The following UBE2T variants were observed in gnomAD, a reference collection of about 807,000 sequenced individuals.
The protein encoded by UBE2T is ubiquitin-conjugating enzyme E2 T.
In UBE2T, 15 loss-of-function variants were observed where a neutral mutation model predicts 23.3. The observed-to-expected ratio is 0.64, with a 90% CI of 0.43 to 0.99. UBE2T has a LOEUF of 0.99. Ranked by LOEUF, UBE2T falls within the 50% of genes least tolerant of loss-of-function variation. UBE2T has a pLI of 0.00. For missense variants in UBE2T, 197 were observed against 234.9 expected (o/e 0.84, Z 1.05); for synonymous variants, 67 against 78.4 (o/e 0.85, Z 0.77).
intron 1 of UBE2T, among the ~76,000 whole-genome samples, chr1:202,336,632 A>G (rs1654891640): frequency 6.6e-6 from 1 of 152,158 alleles, no homozygotes; most frequent in South Asian, 2.1e-4. Context: ...CATGCCTGTC[A>G]TAGTAAGGGA....
chr1:202,340,471 G>C (rs554135552), intron 1 of UBE2T, among the ~76,000 whole-genome samples: 1 of 151,396 alleles, frequency 6.6e-6, no homozygotes, highest in African/African-American at 2.4e-5. Flanking sequence ...CCAAGATCGC[G>C]CCACTGCACT....
At chr1:202,341,792 C>G (rs1486835236) in intron 1 of UBE2T, 103 bp downstream of exon 1, 1 of 152,194 alleles carries the variant, frequency 6.6e-6, no homozygotes, top group African/African-American at 2.4e-5. Flanking sequence ...GAGACGAAAA[C>G]TCCCATATTA....
At chr1:202,338,256 G>T (rs904601898) in intron 1 of UBE2T, among the ~76,000 whole-genome samples, 3 of 151,480 alleles carry the variant, frequency 2.0e-5, no homozygotes, top group African/African-American at 7.3e-5. Context: ...TTTTGCTCTT[G>T]TTGCCCAGGC....
intron 1 of UBE2T, among the ~76,000 whole-genome samples, chr1:202,338,059 T>G (rs1489067841): frequency 6.6e-6 from 1 of 152,184 alleles, no homozygotes; most frequent in Non-Finnish European, 1.5e-5. Context: ...GAACACGCTG[T>G]TTCAGTCTTT....
intron 1 of UBE2T, among the ~76,000 whole-genome samples, chr1:202,336,961 T>C (rs1189855621): frequency 6.6e-6 from 1 of 152,178 alleles, no homozygotes; most frequent in Non-Finnish European, 1.5e-5. Context: ...CTTTTGTTTT[T>C]TAGACGGAGT....
chr1:202,340,828 T>C (rs1654985595), intron 1 of UBE2T, among the ~76,000 whole-genome samples: 1 of 152,208 alleles, frequency 6.6e-6, no homozygotes, highest in Admixed American at 6.5e-5. Context: ...GCAACCAGAC[T>C]CCAGCCTCAC....
At chr1:202,339,242 G>A (rs902069396) in intron 1 of UBE2T, among the ~76,000 whole-genome samples, 4 of 151,476 alleles carry the variant, frequency 2.6e-5, no homozygotes, top group African/African-American at 7.3e-5. Flanking sequence ...ATTTATTCTT[G>A]CATCAATTTT....
Position 202,331,883 on chromosome 1 carries a change from C to T in UBE2T, c.546G>A (p.Lys182=). 1 of 1,614,102 alleles carries T rather than the reference C, an allele frequency of 6.2e-7. No homozygotes were observed. Residue 182 remains lysine (K), a synonymous_variant, in exon 7 of 7, where the codon AAG becomes AAA. Coordinates refer to ENST00000646651, the MANE Select transcript of UBE2T (RefSeq NM_014176.4). Reference sequence around the variant, plus strand: ...TTTCTATGCCTACTAGCTGACTGGCCTTCCTTTTCTGTGTTGAGTTGTGTA... The same window carrying T: ...TTTCTATGCCTACTAGCTGACTGGCTTTCCTTTTCTGTGTTGAGTTGTGTA... ...SRVHNSTQKR[K]ASQLVGIEKK...
intron 3 of UBE2T, among the ~76,000 whole-genome samples, chr1:202,333,808 A>G (rs1034701340): frequency 3.3e-5 from 5 of 152,170 alleles, no homozygotes; most frequent in Non-Finnish European, 5.9e-5. Flanking sequence ...ATACTCCAGC[A>G]TATCTTCTAA....
rs1655018007 is a variant in UBE2T, at chr1:202,341,899, G to C, written c.-69C>G. The C allele has an allele frequency of 6.6e-6, 1 of 152,332 alleles. No homozygotes were observed. Among genetic ancestry groups the C allele is most frequent in the Non-Finnish European group, 1.5e-5 (1 of 68,126 alleles). The allele number at this position is 152,332 out of a possible 1,614,324, so 9.4% of individuals were successfully genotyped here. Reference sequence around the variant, plus strand: ...CGGAATACTCTCCTTGCTTACCTGAGCTGACACCCCTCACAACGCAGCAAC... The same window carrying C: ...CGGAATACTCTCCTTGCTTACCTGACCTGACACCCCTCACAACGCAGCAAC... On this transcript the variant is annotated 5_prime_UTR_variant, in exon 1 of 7. Coordinates refer to ENST00000646651, the MANE Select transcript of UBE2T (RefSeq NM_014176.4).
In UBE2T at chr1:202,333,305, T is replaced by C. The variant is rs778127476; in HGVS notation, c.316A>G (p.Thr106Ala). The change falls in exon 5 of 7, where the codon ACT becomes GCT. Residue 106 changes from threonine (T) to alanine (A), a missense_variant. Coordinates refer to ENST00000646651, the MANE Select transcript of UBE2T (RefSeq NM_014176.4). ...GAWRPSLNIA[T>A]VLTSIQLLMS... ...AGCAGCTGAATAGAGGTCAACACAG[T>C]TGCGATGTTGAGGGATGGTCTCCAA... 3.7e-6 allele frequency: 6 copies of C among 1,614,178 alleles called. No individual in the cohort carries two copies. In the South Asian group the frequency reaches 4.4e-5, roughly 12 times the overall value.
chr1:202,335,405 A>G lies in UBE2T; in HGVS notation c.109+241T>C, dbSNP rs1654857900. The stretch of plus-strand genomic sequence containing the variant: ...TATTTGAGATGGTTATCTTTGATCT[A>G]AACACTGCTTCACTGCTTTAAATCT... On this transcript the variant is annotated intron_variant, in intron 2 of 6. Transcript: ENST00000646651. The surrounding 1 kb of genome is among the most constrained non-coding windows in gnomAD (Gnocchi z 4.0). 1 of 557,302 alleles carries G rather than the reference A, an allele frequency of 1.8e-6. No homozygotes were observed. Among genetic ancestry groups the G allele is most frequent in the Non-Finnish European group, 3.2e-6 (1 of 313,104 alleles). 34.5% of individuals were successfully genotyped at this position (557,302 alleles called of 1,614,324 possible).
intron 3 of UBE2T, among the ~76,000 whole-genome samples, chr1:202,334,723 C>T (rs1486161545): frequency 1.3e-5 from 2 of 152,124 alleles, no homozygotes; most frequent in African/African-American, 4.8e-5. Context: ...TACCACTGAA[C>T]TGTACACTTA....
chr1:202,334,088 C>T (rs1654828645), intron 3 of UBE2T, among the ~76,000 whole-genome samples: 1 of 152,152 alleles, frequency 6.6e-6, no homozygotes, highest in South Asian at 2.1e-4. Context: ...TCTCCCAAGA[C>T]TTTAACAAGT....
chr1:202,339,482 T>C (rs1009741468), intron 1 of UBE2T, among the ~76,000 whole-genome samples: 2 of 148,774 alleles, frequency 1.3e-5, no homozygotes, highest in Non-Finnish European at 3.0e-5. Flanking sequence ...ATGACAAAAA[T>C]AGAAAATGAG....
chr1:202,337,140 A>G (rs1654903521), intron 1 of UBE2T, among the ~76,000 whole-genome samples: 1 of 152,002 alleles, frequency 6.6e-6, no homozygotes. Context: ...ATGGGGTTTC[A>G]CCATCTTGGC....
intron 1 of UBE2T, among the ~76,000 whole-genome samples, chr1:202,340,080 G>A (rs1000625407): frequency 2.0e-5 from 3 of 151,132 alleles, no homozygotes; most frequent in Non-Finnish European, 2.9e-5. Context: ...TGCGGGGGTG[G>A]AGGCCTGTAA....
chr1:202,334,016 C>A (rs1343428642), intron 3 of UBE2T, among the ~76,000 whole-genome samples: 3 of 152,040 alleles, frequency 2.0e-5, no homozygotes, highest in Admixed American at 2.0e-4. Flanking sequence ...TAGTGAGACA[C>A]CGACCTTGCA....
At position 202,331,743 on chromosome 1, in the gene UBE2T, T is replaced by C; in HGVS notation, c.*92A>G. The C allele has an allele frequency of 6.8e-7, 1 of 1,464,376 alleles. No homozygotes were observed. The highest frequency in any genetic ancestry group is 2.3e-5 in the East Asian group (1 of 43,962). The allele number at this position is 1,464,376 out of a possible 1,614,324, so 90.7% of individuals were successfully genotyped here. On this transcript the variant is annotated 3_prime_UTR_variant, in exon 7 of 7. Coordinates refer to ENST00000646651, the MANE Select transcript of UBE2T (RefSeq NM_014176.4). ...ATAAATAAACTACACAAAAATTATG[T>C]CATCAAATATATTTAAAAAAAAATT... is the stretch of plus-strand genomic sequence containing the variant.
Sources: allele counts gnomAD v4.1 joint callset (sites outside exome capture counted in the v4.1 genomes callset), GRCh38; gene constraint gnomAD v4.1.1; non-coding constraint Gnocchi (gnomAD v3.1); transcripts MANE v1.5; gene names NCBI Gene and HGNC (gene_info 2026-07-23, HGNC 2026-07-21).